RBFOX1: variants seen among roughly 807,000 people sequenced by gnomAD.
RBFOX1 encodes the protein RNA binding protein fox-1 homolog 1.
RBFOX1 carries 8 observed loss-of-function variants against 57.7 expected under a neutral mutation model. The ratio of observed to expected loss-of-function variants is 0.14; its 90% CI spans 0.08 to 0.25. The LOEUF (loss-of-function observed/expected upper bound fraction) is 0.25, where lower values mean the gene tolerates loss of function less well. Ranked by LOEUF, RBFOX1 falls within the 10% of genes least tolerant of loss-of-function variation. RBFOX1 has a pLI of 1.00. For synonymous variants in RBFOX1, 326 were observed against 222.4 expected (o/e 1.47, Z -4.15); for missense variants, 611 against 548.5 (o/e 1.11, Z -1.14).
chr16:5,990,959 A>G (rs1177795746), intron 4 of RBFOX1, among the ~76,000 whole-genome samples: 2 of 152,186 alleles, frequency 1.3e-5, no homozygotes, highest in Non-Finnish European at 2.9e-5. Flanking sequence ...GGGCCACAAG[A>G]GCAAGACTCT....
chr16:5,698,656 T>G (rs1331675442), intron 3 of RBFOX1, among the ~76,000 whole-genome samples: 1 of 152,198 alleles, frequency 6.6e-6, no homozygotes, highest in Non-Finnish European at 1.5e-5. Context: ...TGAATGTCTG[T>G]AGCAATACTG....
At chr16:7,555,776 A>C (rs993634716) in intron 5 of RBFOX1, among the ~76,000 whole-genome samples, 1 of 152,126 alleles carries the variant, frequency 6.6e-6, no homozygotes, top group African/African-American at 2.4e-5. Context: ...TGTGATTCAA[A>C]TGTCACCTTC....
rs188961565 is a variant in RBFOX1 at position 6,837,905 on chromosome 16, G to T, written c.-16+183255G>T. Among the ~76,000 whole-genome samples the T allele has an allele frequency of 9.4e-4, 143 of 152,086 alleles. 1 individual carries two copies. The highest frequency in any genetic ancestry group is 8.8e-5 in the Non-Finnish European group (6 of 68,012). Reference sequence around the variant, plus strand: ...AGCATGCCCAACAGCAACAATGACAGTTTACTGTCACCATGGCAACAGCAG... The same window carrying T: ...AGCATGCCCAACAGCAACAATGACATTTTACTGTCACCATGGCAACAGCAG... On this transcript the variant is annotated intron_variant, in intron 3 of 15. Transcript: ENST00000550418.
intron 2 of RBFOX1, among the ~76,000 whole-genome samples, chr16:6,606,158 C>T (rs965323448): frequency 6.6e-6 from 1 of 152,032 alleles, no homozygotes; most frequent in African/African-American, 2.4e-5. Context: ...AATGTATTTC[C>T]AGTAACATGC....
intron 14 of RBFOX1, among the ~76,000 whole-genome samples, chr16:7,696,027 C>T (rs1400538457): frequency 6.6e-6 from 1 of 152,168 alleles, no homozygotes; most frequent in Non-Finnish European, 1.5e-5. Flanking sequence ...ATTTGTTCTT[C>T]ACGTTTCCCA....
In RBFOX1 at chr16:5,567,144, G is replaced by A. The variant is rs373047807; in HGVS notation, c.259-31758G>A. ...AAACAGAAAGGCCTTGTGAACAACC[G>A]AGGGAAACAAATAAAGCCGGTGCCC... is the stretch of plus-strand genomic sequence containing the variant. On this transcript the variant is annotated intron_variant, in intron 2 of 2. Coordinates refer to the RBFOX1 transcript ENST00000585867. Among the ~76,000 whole-genome samples, 13 of 152,260 alleles carry A rather than the reference G, an allele frequency of 8.5e-5. No homozygotes were observed. In the East Asian group the frequency reaches 1.9e-3, roughly 23 times the overall value.
intron 3 of RBFOX1, among the ~76,000 whole-genome samples, chr16:6,986,182 ATTTT>A (rs978365844): frequency 5.0e-5 from 3 of 60,044 alleles, no homozygotes; most frequent in East Asian, 6.6e-4. Flanking sequence ...ACCAATTTCT[ATTTT>A]TATTTATTTA....
At chr16:6,614,340 G>T (rs536639222) in intron 2 of RBFOX1, among the ~76,000 whole-genome samples, 1 of 152,272 alleles carries the variant, frequency 6.6e-6, no homozygotes, top group South Asian at 2.1e-4. Flanking sequence ...TAAATATCAT[G>T]CCAGGTATGA....
At chr16:6,316,877 A>G (rs2081182219) in intron 1 of RBFOX1, 118 bp from the exon 2 acceptor site, 5 of 681,622 alleles carry the variant, frequency 7.3e-6, no homozygotes. Context: ...TGTTAAATTC[A>G]CAATATAGTC....
intron 3 of RBFOX1, among the ~76,000 whole-genome samples, chr16:6,997,871 T>C (rs1453842540): frequency 6.6e-6 from 1 of 152,130 alleles, no homozygotes; most frequent in Non-Finnish European, 1.5e-5. Flanking sequence ...AGAACACCAG[T>C]TTAATTGTCT....
At chr16:5,299,598 CA>C (rs1404994521) in intron 1 of RBFOX1, among the ~76,000 whole-genome samples, 3 of 152,244 alleles carry the variant, frequency 2.0e-5, no homozygotes, top group African/African-American at 7.2e-5. Flanking sequence ...CTGCCCTTGC[CA>C]TTATTTTTGA....
chr16:6,019,354 T>A lies in RBFOX1; in HGVS notation c.-765T>A. On this transcript the variant is annotated 5_prime_UTR_variant, in exon 1 of 16. Coordinates refer to ENST00000550418, the MANE Select transcript of RBFOX1 (RefSeq NM_018723.4). This position sits in a 1 kb window ranked among gnomAD's most constrained non-coding sequence, Gnocchi z 4.2. ...CTGCCGCCGCCTCCTCCAGCCAGAGTCGGTGGGACTGGCTGCGCTGCCCTG... is the reference window on the plus strand; with the variant it reads ...CTGCCGCCGCCTCCTCCAGCCAGAGACGGTGGGACTGGCTGCGCTGCCCTG... 1.0e-6 allele frequency: 1 copy of A among 984,812 alleles called. No individual in the cohort carries two copies. Among genetic ancestry groups the A allele is most frequent in the South Asian group, 4.7e-5 (1 of 21,248 alleles). 61.0% of individuals were successfully genotyped at this position (984,812 alleles called of 1,614,324 possible). A position where few individuals can be genotyped will look rare whatever the true frequency, so the allele number is the denominator to read the frequency against.
At chr16:7,103,875 A>G (rs1274665731) in intron 4 of RBFOX1, among the ~76,000 whole-genome samples, 3 of 152,276 alleles carry the variant, frequency 2.0e-5, no homozygotes, top group African/African-American at 4.8e-5. Context: ...ACCATTTGCA[A>G]AAGAACACAC....
At position 5,676,191 on chromosome 16, in the gene RBFOX1, G is replaced by A. The variant is rs535833923; in HGVS notation, c.318+77230G>A. ...GTTGATAGGTGTAGCAAACCACCAT[G>A]GCACATGTATACCTATGCGACAAAC... On this transcript the variant is annotated intron_variant, in intron 3 of 19. Transcript: ENST00000641259. Among the ~76,000 whole-genome samples, 5 of 151,882 alleles carry A rather than the reference G, an allele frequency of 3.3e-5. No individual in the cohort carries two copies. The South Asian group carries it at 1.0e-3, about 32-fold the overall frequency.
intron 2 of RBFOX1, among the ~76,000 whole-genome samples, chr16:6,618,312 A>T (rs560616305): frequency 1.3e-5 from 2 of 152,342 alleles, no homozygotes; most frequent in East Asian, 3.9e-4. Flanking sequence ...ACATTGACTG[A>T]ACACTTACTT....
At chr16:5,286,465 A>G (rs572868526) in intron 1 of RBFOX1, among the ~76,000 whole-genome samples, 1 of 152,352 alleles carries the variant, frequency 6.6e-6, no homozygotes, top group Admixed American at 6.5e-5. Context: ...CCAGGCCCCC[A>G]GATGGTACAT....
At chr16:6,859,152 T>TATATATATATATAC (rs1491258507) in intron 3 of RBFOX1, among the ~76,000 whole-genome samples, 1 of 77,142 alleles carries the variant, frequency 1.3e-5, no homozygotes, top group African/African-American at 6.6e-5. Context: ...TATATATATA[T>TATATATATATATAC]GTATATATAT....
chr16:6,347,168 A>T (rs1190456913), intron 2 of RBFOX1, among the ~76,000 whole-genome samples: 2 of 152,212 alleles, frequency 1.3e-5, no homozygotes, highest in Non-Finnish European at 2.9e-5. Flanking sequence ...CAATAAAGCC[A>T]TTTGGACTTT....
At chr16:7,027,525 C>A (rs376948877) in intron 3 of RBFOX1, among the ~76,000 whole-genome samples, 11 of 151,620 alleles carry the variant, frequency 7.3e-5, no homozygotes, top group African/African-American at 1.2e-4. Flanking sequence ...GGCTTCAGGG[C>A]TTTTTTTTCT....
Sources: allele counts gnomAD v4.1 joint callset (sites outside exome capture counted in the v4.1 genomes callset), GRCh38; gene constraint gnomAD v4.1.1; non-coding constraint Gnocchi (gnomAD v3.1); transcripts MANE v1.5; gene names NCBI Gene and HGNC (gene_info 2026-07-23, HGNC 2026-07-21).